Variants in GABRA2 observed in about 807,000 individuals in gnomAD.
GABRA2 encodes gamma-aminobutyric acid type A receptor subunit alpha2.
A neutral mutation model predicts 48.7 loss-of-function variants in GABRA2; 16 were observed. The ratio of observed to expected loss-of-function variants is 0.33; its 90% CI spans 0.22 to 0.50. The LOEUF (loss-of-function observed/expected upper bound fraction) is 0.50. GABRA2 is among the 20% of genes least tolerant of loss of function. The pLI, the probability that GABRA2 is intolerant of heterozygous loss-of-function variation, is 0.98. For missense variants in GABRA2, 275 were observed against 535.6 expected (o/e 0.51, Z 4.80); for synonymous variants, 185 against 184.5 (o/e 1.00, Z -0.02).
At chr4:46,269,468 A>G (rs981836153) in intron 8 of GABRA2, among the ~76,000 whole-genome samples, 3 of 152,008 alleles carry the variant, frequency 2.0e-5, no homozygotes, top group African/African-American at 7.2e-5. Context: ...TACATGATAA[A>G]TACCATGACA....
At chr4:46,326,499 T>A (rs1243613133) in intron 4 of GABRA2, among the ~76,000 whole-genome samples, 1 of 125,168 alleles carries the variant, frequency 8.0e-6, no homozygotes, top group Non-Finnish European at 1.6e-5. Context: ...GGTCTCTGCC[T>A]TTTTTTTTTT....
chr4:46,299,817 A>C (rs1033087843), intron 8 of GABRA2, among the ~76,000 whole-genome samples: 2 of 151,666 alleles, frequency 1.3e-5, no homozygotes, highest in Non-Finnish European at 3.0e-5. Flanking sequence ...GACAGTCATG[A>C]CAGCAGTATA....
At chr4:46,314,163 A>G (rs1401940939) in intron 4 of GABRA2, among the ~76,000 whole-genome samples, 1 of 152,150 alleles carries the variant, frequency 6.6e-6, no homozygotes, top group Non-Finnish European at 1.5e-5. Context: ...ATGATGAACA[A>G]AGAGATGAGT....
chr4:46,369,635 C>T (rs929620054), intron 3 of GABRA2, among the ~76,000 whole-genome samples: 1 of 152,020 alleles, frequency 6.6e-6, no homozygotes, highest in African/African-American at 2.4e-5. Flanking sequence ...GGGCACAGTT[C>T]ATCATTTGTC....
chr4:46,244,774 A>G lies in GABRA2; in HGVS notation c.*5534T>C, dbSNP rs1035889035. On this transcript the variant is annotated 3_prime_UTR_variant, in exon 10 of 10. Transcript: ENST00000381620. The stretch of plus-strand genomic sequence containing the variant: ...ATACGTGATCATTACTTGTGAACCA[A>G]AAAAGAAAACTGCAATATATTCCCA... 6.6e-5 allele frequency among the ~76,000 whole-genome samples: 10 copies of G among 151,632 alleles called. No individual in the cohort carries two copies. The highest frequency in any genetic ancestry group is 2.1e-4 in the South Asian group (1 of 4,832).
At chr4:46,329,461 C>G (rs1299592719) in intron 4 of GABRA2, among the ~76,000 whole-genome samples, 1 of 152,062 alleles carries the variant, frequency 6.6e-6, no homozygotes, top group African/African-American at 2.4e-5. Flanking sequence ...TCAGCATATA[C>G]CCTCACATGT....
chr4:46,348,064 A>G (rs1269651949), intron 3 of GABRA2, among the ~76,000 whole-genome samples: 1 of 152,102 alleles, frequency 6.6e-6, no homozygotes, highest in African/African-American at 2.4e-5. Context: ...CAATGAACCC[A>G]AACAAATTTA....
rs73133221 is a variant in GABRA2 at position 46,340,827 on chromosome 4, G to C, written c.188-8145C>G. On this transcript the variant is annotated intron_variant, in intron 3 of 9. Transcript: ENST00000381620. Reference sequence around the variant, plus strand: ...CATTATTTCTTTAAATAATCTTTCTGTCCTTTCTTTCCTTTCCTTCTAGAA... The same window carrying C: ...CATTATTTCTTTAAATAATCTTTCTCTCCTTTCTTTCCTTTCCTTCTAGAA... 4.0e-3 allele frequency among the ~76,000 whole-genome samples: 604 copies of C among 151,952 alleles called. 1 individual carries two copies. The highest frequency in any genetic ancestry group is 0.014 in the African/African-American group (583 of 41,506).
chr4:46,271,010 C>A (rs1435420914), intron 8 of GABRA2, among the ~76,000 whole-genome samples: 1 of 149,052 alleles, frequency 6.7e-6, no homozygotes. Flanking sequence ...AAAAAAAATA[C>A]TTCAATGCAT....
intron 8 of GABRA2, among the ~76,000 whole-genome samples, chr4:46,281,397 G>T (rs754660967): frequency 6.6e-6 from 1 of 152,186 alleles, no homozygotes; most frequent in Non-Finnish European, 1.5e-5. Flanking sequence ...ATTTGAGCCA[G>T]ATGAACTCAA....
At chr4:46,322,639 C>T (rs752080522) in intron 4 of GABRA2, among the ~76,000 whole-genome samples, 7 of 151,954 alleles carry the variant, frequency 4.6e-5, no homozygotes, top group African/African-American at 1.7e-4. Flanking sequence ...AGAATCGTGA[C>T]CACCTTCTTC....
chr4:46,379,829 A>T (rs1716515449), intron 3 of GABRA2, among the ~76,000 whole-genome samples: 1 of 152,186 alleles, frequency 6.6e-6, no homozygotes, highest in African/African-American at 2.4e-5. Flanking sequence ...TTCATCTGAG[A>T]CTAGAACTAC....
At chr4:46,259,406 C>T (rs552291266) in intron 9 of GABRA2, among the ~76,000 whole-genome samples, 1 of 151,938 alleles carries the variant, frequency 6.6e-6, no homozygotes, top group East Asian at 1.9e-4. Flanking sequence ...TGCCCAAGCT[C>T]ACAGAGCAAG....
intron 8 of GABRA2, among the ~76,000 whole-genome samples, chr4:46,280,659 T>C (rs893055336): frequency 3.3e-5 from 5 of 152,178 alleles, no homozygotes; most frequent in South Asian, 2.1e-4. Flanking sequence ...AAGAGTCTAG[T>C]GTAGTACTGT....
chr4:46,374,411 C>G (rs1417918470), intron 3 of GABRA2, among the ~76,000 whole-genome samples: 4 of 152,098 alleles, frequency 2.6e-5, no homozygotes, highest in Non-Finnish European at 5.9e-5. Context: ...TAATGGAAAC[C>G]AAGTGCCTAT....
At chr4:46,280,771 T>C (rs537571525) in intron 8 of GABRA2, among the ~76,000 whole-genome samples, 1 of 152,278 alleles carries the variant, frequency 6.6e-6, no homozygotes, top group African/African-American at 2.4e-5. Context: ...AGGTTAAACA[T>C]GGTCATAAAT....
chr4:46,387,219 G>C (rs572078041), intron 2 of GABRA2, among the ~76,000 whole-genome samples: 1 of 152,190 alleles, frequency 6.6e-6, no homozygotes, highest in South Asian at 2.1e-4. Context: ...CAGAAAACTA[G>C]TTGAGAGAAG....
rs575892342 is a variant in GABRA2 at position 46,319,370 on chromosome 4, AG to A, written c.256-6655del. On this transcript the variant is annotated intron_variant, in intron 4 of 9. Coordinates refer to ENST00000381620, the MANE Select transcript of GABRA2 (RefSeq NM_000807.4). ...TACATTATACTCTTGTGGCTAATAA[AG>A]GCTAGTCTCCCTTGAGTAAATTCCA... 1.5e-3 allele frequency among the ~76,000 whole-genome samples: 229 copies of A among 151,880 alleles called. 2 individuals carry two copies. The highest frequency in any genetic ancestry group is 5.4e-3 in the African/African-American group (223 of 41,500).
In GABRA2 at chr4:46,246,165, T is replaced by C. The variant is rs1204085921; in HGVS notation, c.*4143A>G. On this transcript the variant is annotated 3_prime_UTR_variant, in exon 10 of 10. Coordinates refer to ENST00000381620, the MANE Select transcript of GABRA2 (RefSeq NM_000807.4). ...CTACATATGTATAATTTATCTACTT[T>C]CTCGGAAGTTAAAAAGGGAAAAATG... 2.0e-5 allele frequency among the ~76,000 whole-genome samples: 3 copies of C among 151,136 alleles called. No individual in the cohort carries two copies. The highest frequency in any genetic ancestry group is 4.4e-5 in the Non-Finnish European group (3 of 67,458).
Sources: gnomAD v4.1 joint callset for allele counts (sites outside exome capture counted in the v4.1 genomes callset) on GRCh38, gnomAD v4.1.1 for gene constraint, MANE v1.5 for transcripts, NCBI Gene and HGNC (gene_info 2026-07-23, HGNC 2026-07-21) for gene names.